Variants in POU6F2 observed in about 807,000 individuals in gnomAD.
POU6F2 encodes the protein POU domain, class 6, transcription factor 2.
A neutral mutation model predicts 71.3 loss-of-function variants in POU6F2; 31 were observed. The ratio of observed to expected loss-of-function variants is 0.43; its 90% CI spans 0.33 to 0.59. POU6F2 has a LOEUF of 0.59. Ranked by LOEUF, POU6F2 falls within the 20% of genes least tolerant of loss-of-function variation. POU6F2 has a pLI of 0.04. For synonymous variants in POU6F2, 347 were observed against 355.7 expected (o/e 0.98, Z 0.27); for missense variants, 783 against 856.8 (o/e 0.91, Z 1.07).
intron 4 of POU6F2, among the ~76,000 whole-genome samples, chr7:39,267,795 C>T (rs1467764465): frequency 1.3e-5 from 2 of 152,124 alleles, no homozygotes; most frequent in Non-Finnish European, 2.9e-5. Flanking sequence ...TAACTGAGCA[C>T]ACACTGTTAA....
chr7:39,204,829 A>G (rs1793976298), intron 3 of POU6F2, among the ~76,000 whole-genome samples: 1 of 152,132 alleles, frequency 6.6e-6, no homozygotes, highest in Admixed American at 6.5e-5. Context: ...TATTTTTTAA[A>G]GTCCAATATT....
At chr7:39,307,112 A>G (rs1785062048) in intron 4 of POU6F2, among the ~76,000 whole-genome samples, 1 of 152,334 alleles carries the variant, frequency 6.6e-6, no homozygotes, top group South Asian at 2.1e-4. Flanking sequence ...AAATGCCCTC[A>G]GAAGACTGTT....
intron 5 of POU6F2, among the ~76,000 whole-genome samples, chr7:39,353,160 AGATTG>A (rs1158698946): frequency 1.3e-5 from 2 of 152,244 alleles, no homozygotes; most frequent in Admixed American, 1.3e-4. Flanking sequence ...TGCCTGCCCC[AGATTG>A]GACGGGCAGG....
chr7:39,172,992 G>A (rs1793253249), intron 2 of POU6F2, among the ~76,000 whole-genome samples: 1 of 151,844 alleles, frequency 6.6e-6, no homozygotes, highest in Non-Finnish European at 1.5e-5. Context: ...AACCACAAAT[G>A]CAACCCTCAG....
intron 1 of POU6F2, chr7:39,013,400 C>CT (rs1658274021): frequency 6.4e-6 from 1 of 155,518 alleles, no homozygotes; most frequent in Admixed American, 6.5e-5. Flanking sequence ...GCACGGTGCG[C>CT]GCACCCACTG....
intron 1 of POU6F2, among the ~76,000 whole-genome samples, chr7:39,048,887 G>T (rs2128713507): frequency 6.6e-6 from 1 of 151,978 alleles, no homozygotes; most frequent in African/African-American, 2.4e-5. Context: ...GTGTGAGATG[G>T]TATCTCATAT....
intron 5 of POU6F2, among the ~76,000 whole-genome samples, chr7:39,401,435 A>G (rs773543755): frequency 3.3e-5 from 5 of 152,190 alleles, no homozygotes; most frequent in Non-Finnish European, 5.9e-5. Context: ...CCCGGGGGGA[A>G]AATTTAGTAG....
chr7:39,066,551 C>G (rs894273492), intron 1 of POU6F2, among the ~76,000 whole-genome samples: 12 of 151,400 alleles, frequency 7.9e-5, no homozygotes, highest in African/African-American at 2.9e-4. Flanking sequence ...TGATTTCATT[C>G]ACAATATAAA....
intron 5 of POU6F2, among the ~76,000 whole-genome samples, chr7:39,350,470 G>T (rs190956130): frequency 1.5e-3 from 229 of 152,158 alleles, no homozygotes; most frequent in African/African-American, 3.9e-3. Flanking sequence ...TCCTGTCTAA[G>T]GTTTAAAAAA....
chr7:39,428,351 C>T (rs1788020001), intron 6 of POU6F2, among the ~76,000 whole-genome samples: 1 of 152,172 alleles, frequency 6.6e-6, no homozygotes, highest in African/African-American at 2.4e-5. Flanking sequence ...TTCAGAGAAG[C>T]CAGAACTGTT....
chr7:39,082,545 T>A (rs985503481), intron 1 of POU6F2, among the ~76,000 whole-genome samples: 2 of 152,258 alleles, frequency 1.3e-5, no homozygotes, highest in Middle Eastern at 3.4e-3. Flanking sequence ...CCTACGTAGA[T>A]GCATGTTGGA....
At chr7:39,088,752 G>A (rs1562701663) in intron 2 of POU6F2, among the ~76,000 whole-genome samples, 1 of 152,120 alleles carries the variant, frequency 6.6e-6, no homozygotes, top group Non-Finnish European at 1.5e-5. Flanking sequence ...AGAGCTCAGG[G>A]TTTTTTTATT....
chr7:39,427,000 GTTA>G (rs1353530762), intron 6 of POU6F2, among the ~76,000 whole-genome samples: 4 of 152,144 alleles, frequency 2.6e-5, no homozygotes, highest in African/African-American at 9.7e-5. Flanking sequence ...TTCATAATAA[GTTA>G]TTATCTTCTA....
intron 5 of POU6F2, chr7:39,404,763 A>G (rs1787384196): frequency 6.6e-6 from 1 of 152,002 alleles, no homozygotes; most frequent in Non-Finnish European, 1.5e-5. Flanking sequence ...CGGAGACAGT[A>G]TTTCCCAAGC....
At chr7:39,026,950 T>C (rs1245202686) in intron 1 of POU6F2, among the ~76,000 whole-genome samples, 3 of 152,078 alleles carry the variant, frequency 2.0e-5, no homozygotes, top group Non-Finnish European at 4.4e-5. Context: ...AGAAGTCAAG[T>C]GTCTCCTCTG....
intron 4 of POU6F2, among the ~76,000 whole-genome samples, chr7:39,279,342 C>T (rs1003419424): frequency 6.6e-6 from 1 of 152,198 alleles, no homozygotes; most frequent in Non-Finnish European, 1.5e-5. Flanking sequence ...CCATGCTGCT[C>T]ATATGACTTT....
chr7:39,223,400 G>C (rs949304116), intron 4 of POU6F2, among the ~76,000 whole-genome samples: 1 of 152,098 alleles, frequency 6.6e-6, no homozygotes, highest in African/African-American at 2.4e-5. Context: ...TCACGTGAAA[G>C]AACATTTCTT....
intron 2 of POU6F2, among the ~76,000 whole-genome samples, chr7:39,123,182 G>T (rs1384116818): frequency 1.3e-5 from 2 of 152,202 alleles, no homozygotes; most frequent in Admixed American, 6.5e-5. Flanking sequence ...CTCAATCAAT[G>T]CTAAATTTAT....
At chr7:39,433,908 T>C (rs1788168278) in intron 7 of POU6F2, among the ~76,000 whole-genome samples, 1 of 152,240 alleles carries the variant, frequency 6.6e-6, no homozygotes, top group African/African-American at 2.4e-5. Context: ...TGTGATAACC[T>C]ACTGTATAGC....
Sources: gnomAD v4.1 joint callset for allele counts (sites outside exome capture counted in the v4.1 genomes callset) on GRCh38, gnomAD v4.1.1 for gene constraint, MANE v1.5 for transcripts, NCBI Gene and HGNC (gene_info 2026-07-23, HGNC 2026-07-21) for gene names.